HECW1: variants seen among roughly 807,000 people sequenced by gnomAD.
HECW1 encodes the protein HECT, C2 and WW domain containing E3 ubiquitin protein ligase 1, also known as E3 ubiquitin-protein ligase HECW1.
HECW1 carries 61 observed loss-of-function variants against 182.3 expected under a neutral mutation model. That is an observed-to-expected ratio of 0.33 (90% CI 0.27 to 0.41). The LOEUF is 0.41. Among genes scored for constraint, HECW1 ranks in the 10% least tolerant of loss-of-function variants. The probability of loss-of-function intolerance (pLI) is 1.00; values close to 1 mark genes in which losing one functional copy is unlikely to be tolerated. For synonymous variants in HECW1, 859 were observed against 832.6 expected (o/e 1.03, Z -0.55); for missense variants, 1,739 against 2,108.9 (o/e 0.82, Z 3.44).
At chr7:43,167,149 G>A (rs574575334) in intron 2 of HECW1, among the ~76,000 whole-genome samples, 1 of 152,252 alleles carries the variant, frequency 6.6e-6, no homozygotes, top group Non-Finnish European at 1.5e-5. Context: ...CTCATATTAG[G>A]TATGAGAAGG....
intron 2 of HECW1, among the ~76,000 whole-genome samples, chr7:43,232,764 G>A (rs915060402): frequency 1.5e-4 from 23 of 152,188 alleles, no homozygotes; most frequent in Non-Finnish European, 3.1e-4. Flanking sequence ...TCTGGGGAGA[G>A]GAGGCAAAGG....
chr7:43,197,231 CT>C (rs1457462879), intron 2 of HECW1, among the ~76,000 whole-genome samples: 1 of 152,050 alleles, frequency 6.6e-6, no homozygotes, highest in African/African-American at 2.4e-5. Flanking sequence ...AAAATCTCTT[CT>C]TTTGGGGGTA....
chr7:43,400,694 G>A (rs2075376080), intron 7 of HECW1, among the ~76,000 whole-genome samples: 1 of 152,144 alleles, frequency 6.6e-6, no homozygotes, highest in Non-Finnish European at 1.5e-5. Flanking sequence ...TGCAAAAATA[G>A]AAACTTAGAA....
chr7:43,355,094 A>G (rs1294603152), intron 5 of HECW1, among the ~76,000 whole-genome samples: 1 of 152,162 alleles, frequency 6.6e-6, no homozygotes, highest in African/African-American at 2.4e-5. Flanking sequence ...AAATACAGAA[A>G]AGAGATAAAT....
At position 43,445,485 on chromosome 7, in the gene HECW1, C is replaced by T. The variant is rs532202982; in HGVS notation, c.2313C>T (p.Asp771=). The change falls in exon 11 of 30, where the codon GAC becomes GAT. Residue 771 remains aspartate, a synonymous_variant. Transcript: ENST00000395891. Reference sequence around the variant, plus strand: ...CGAACGGCGCTGGGCCGTGGCAAGACGAGCTGGCCGCCCCTAGCGGGCACG... The same window carrying T: ...CGAACGGCGCTGGGCCGTGGCAAGATGAGCTGGCCGCCCCTAGCGGGCACG... ...ESTNGAGPWQ[D]ELAAPSGHVE... 52 of 1,612,140 alleles carry T rather than the reference C, an allele frequency of 3.2e-5. No individual in the cohort carries two copies. The highest frequency in any genetic ancestry group is 4.2e-5 in the Non-Finnish European group (49 of 1,179,252).
At chr7:43,146,029 C>T (rs922394185) in intron 2 of HECW1, among the ~76,000 whole-genome samples, 1 of 152,188 alleles carries the variant, frequency 6.6e-6, no homozygotes, top group East Asian at 1.9e-4. Flanking sequence ...ATGTGATTCT[C>T]TCCACTACCC....
rs199705460 is a variant in HECW1 at position 43,247,393 on chromosome 7, AT to A, written c.27+3462del. On this transcript the variant is annotated intron_variant, in intron 3 of 29. Transcript: ENST00000395891. ...CCAGGCACAGTGGCTCATGCCTGTA[AT>A]CCAGCACTTTGGGAGGGGGATAGCG... Among the ~76,000 whole-genome samples, 914 of 152,296 alleles carry A rather than the reference AT, an allele frequency of 6.0e-3. 6 individuals carry two copies. Among genetic ancestry groups the A allele is most frequent in the African/African-American group, 0.02 (831 of 41,570 alleles).
chr7:43,374,451 T>C (rs2074237923), intron 6 of HECW1, among the ~76,000 whole-genome samples: 1 of 151,448 alleles, frequency 6.6e-6, no homozygotes, highest in African/African-American at 2.4e-5. Context: ...AACAAAATCA[T>C]CCCCAACCCA....
intron 2 of HECW1, among the ~76,000 whole-genome samples, chr7:43,222,599 A>G (rs550988528): frequency 3.3e-5 from 5 of 152,304 alleles, no homozygotes; most frequent in African/African-American, 1.2e-4. Context: ...GAGTCTAAAG[A>G]TACTGTTCTT....
chr7:43,187,138 T>A (rs1033668044), intron 2 of HECW1, among the ~76,000 whole-genome samples: 1 of 152,220 alleles, frequency 6.6e-6, no homozygotes, highest in South Asian at 2.1e-4. Context: ...ACATGGTTGT[T>A]TTCCTTGCTA....
At chr7:43,559,591 G>A (rs544654977) in intron 29 of HECW1, among the ~76,000 whole-genome samples, 1 of 152,252 alleles carries the variant, frequency 6.6e-6, no homozygotes, top group South Asian at 2.1e-4. Flanking sequence ...AGAAAACTGA[G>A]GCTCAGGAAG....
chr7:43,184,368 G>C (rs185506397), intron 2 of HECW1, among the ~76,000 whole-genome samples: 1 of 152,168 alleles, frequency 6.6e-6, no homozygotes, highest in South Asian at 2.1e-4. Context: ...TGATGCTACC[G>C]AACACTGAGT....
intron 2 of HECW1, among the ~76,000 whole-genome samples, chr7:43,228,871 C>T (rs4460277): frequency 0.31 from 46,916 of 151,894 alleles, 8,306 homozygotes; most frequent in Non-Finnish European, 0.41. Context: ...TATAAAATTG[C>T]GTATACAATA....
At chr7:43,189,605 AAG>A (rs201003324) in intron 2 of HECW1, among the ~76,000 whole-genome samples, 1 of 151,932 alleles carries the variant, frequency 6.6e-6, no homozygotes, top group Non-Finnish European at 1.5e-5. Flanking sequence ...AAAAAAAAGA[AAG>A]AGAGAAAACT....
chr7:43,367,637 A>G (rs1253710520), intron 6 of HECW1, among the ~76,000 whole-genome samples: 3 of 152,182 alleles, frequency 2.0e-5, no homozygotes, highest in Non-Finnish European at 2.9e-5. Flanking sequence ...TTTACATGCA[A>G]AGGATCAATG....
chr7:43,500,553 C>T (rs555016767), intron 19 of HECW1, 146 bp from the exon 20 acceptor site: 12 of 668,204 alleles, frequency 1.8e-5, no homozygotes, highest in Non-Finnish European at 2.9e-5. Flanking sequence ...GCCTGTGATA[C>T]AAACTTAGAA....
At chr7:43,394,726 A>G (rs1299477590) in intron 6 of HECW1, among the ~76,000 whole-genome samples, 1 of 152,184 alleles carries the variant, frequency 6.6e-6, no homozygotes, top group Non-Finnish European at 1.5e-5. Context: ...CAAAGGGTTC[A>G]CCTTGCCCAC....
chr7:43,562,193 C>CCTG lies in HECW1; in HGVS notation c.*267_*268insCTG. ...CAGCTGTCTCAAGGTCTGTGTATAT[C>CCTG]TCCACATACCTCCATTACTAACAAT... On this transcript the variant is annotated 3_prime_UTR_variant, in exon 30 of 30. Coordinates refer to ENST00000395891, the MANE Select transcript of HECW1 (RefSeq NM_015052.5). The CCTG allele has an allele frequency of 2.9e-6, 1 of 349,120 alleles. No homozygotes were observed. The highest frequency in any genetic ancestry group is 5.7e-5 in the South Asian group (1 of 17,450). 21.6% of individuals were successfully genotyped at this position (349,120 alleles called of 1,614,324 possible). A position where few individuals can be genotyped will look rare whatever the true frequency, so the allele number is the denominator to read the frequency against.
intron 2 of HECW1, among the ~76,000 whole-genome samples, chr7:43,144,567 C>T (rs1273821061): frequency 1.3e-5 from 2 of 152,108 alleles, no homozygotes; most frequent in Non-Finnish European, 1.5e-5. Context: ...TTTATTATTT[C>T]AATTATAATC....
Sources: allele counts gnomAD v4.1 joint callset (sites outside exome capture counted in the v4.1 genomes callset), GRCh38; gene constraint gnomAD v4.1.1; transcripts MANE v1.5; gene names NCBI Gene and HGNC (gene_info 2026-07-23, HGNC 2026-07-21).